The following FBXW7 variants were observed in gnomAD, a reference collection of about 807,000 sequenced individuals.
FBXW7 encodes the protein F-box/WD repeat-containing protein 7.
A neutral mutation model predicts 86.3 loss-of-function variants in FBXW7; 11 were observed. The ratio of observed to expected loss-of-function variants is 0.13; its 90% CI spans 0.08 to 0.21. The LOEUF (loss-of-function observed/expected upper bound fraction) is 0.21. Among genes scored for constraint, FBXW7 ranks in the 10% least tolerant of loss-of-function variants. The pLI is 1.00. For synonymous variants in FBXW7, 313 were observed against 297.9 expected (o/e 1.05, Z -0.52); for missense variants, 488 against 847.4 (o/e 0.58, Z 5.27).
chr4:152,325,438 G>C (rs1211900784), intron 12 of FBXW7: 1 of 152,094 alleles, frequency 6.6e-6, no homozygotes, highest in African/African-American at 2.4e-5. Flanking sequence ...TCTAGTTAAT[G>C]ATCTCAAAAT....
rs74388151 is a variant in FBXW7, at chr4:152,365,831, A to G, written c.502-15707T>C. On this transcript the variant is annotated intron_variant, in intron 4 of 13. Transcript: ENST00000281708. ...TGATTTCCCAGTGCTTGAAGCCAAC[A>G]CCTTGTTACAGTGTGAGCACATTAA... is the stretch of plus-strand genomic sequence containing the variant. Among the ~76,000 whole-genome samples, 9 of 152,240 alleles carry G rather than the reference A, an allele frequency of 5.9e-5. No homozygotes were observed. The East Asian group carries it at 1.7e-3, about 29-fold the overall frequency.
intron 2 of FBXW7, among the ~76,000 whole-genome samples, chr4:152,511,919 A>C (rs1748016046): frequency 6.6e-6 from 1 of 152,166 alleles, no homozygotes; most frequent in African/African-American, 2.4e-5. Flanking sequence ...GCATGTAAAA[A>C]GGAGAAAAAG....
chr4:152,422,890 CTTCTA>C (rs1459460104), intron 2 of FBXW7, among the ~76,000 whole-genome samples: 3 of 152,204 alleles, frequency 2.0e-5, no homozygotes, highest in African/African-American at 7.2e-5. Context: ...AGAGTTGCTA[CTTCTA>C]TTCAGTCTCT....
chr4:152,329,583 A>G, intron 10 of FBXW7, 89 bp downstream of exon 10: 1 of 611,406 alleles, frequency 1.6e-6, no homozygotes. Context: ...AGAATCAAAA[A>G]TGAATTATTG....
intron 2 of FBXW7, among the ~76,000 whole-genome samples, chr4:152,415,392 G>C (rs1458736643): frequency 6.6e-6 from 1 of 152,076 alleles, no homozygotes; most frequent in Non-Finnish European, 1.5e-5. Context: ...TTAGGACAAA[G>C]ATAACAAGAA....
At chr4:152,533,167 G>GTGA (rs1315470383) in intron 2 of FBXW7, among the ~76,000 whole-genome samples, 1 of 151,220 alleles carries the variant, frequency 6.6e-6, no homozygotes, top group Non-Finnish European at 1.5e-5. Context: ...TCCAGCCTGG[G>GTGA]TGACAGAGCA....
At chr4:152,533,747 C>T (rs560917985) in intron 2 of FBXW7, among the ~76,000 whole-genome samples, 5 of 152,218 alleles carry the variant, frequency 3.3e-5, no homozygotes, top group Non-Finnish European at 7.4e-5. Context: ...TGAACTGTCA[C>T]ATAATACACA....
intron 4 of FBXW7, among the ~76,000 whole-genome samples, chr4:152,397,695 C>CAAAAAAAA (rs397995836): frequency 7.3e-4 from 44 of 60,370 alleles, no homozygotes; most frequent in African/African-American, 2.3e-3. Context: ...CCTAAGAAGC[C>CAAAAAAAA]AAAAAAAAAA....
chr4:152,432,570 G>A (rs184337081), intron 2 of FBXW7, among the ~76,000 whole-genome samples: 21 of 152,238 alleles, frequency 1.4e-4, no homozygotes, highest in Admixed American at 2.0e-4. Context: ...ACTTTGGGGG[G>A]CCAAGGCAGG....
chr4:152,407,894 A>G (rs889137116), intron 4 of FBXW7, among the ~76,000 whole-genome samples: 1 of 152,138 alleles, frequency 6.6e-6, no homozygotes, highest in Non-Finnish European at 1.5e-5. Context: ...TTGTAGAGAC[A>G]GGGTTTTGCC....
Position 152,324,405 on chromosome 4 carries a change from C to T in FBXW7, c.1645-11G>A, listed in dbSNP as rs757851336. ...ATGGATACCATCAAACTACAAAAGA[C>T]ACAGTTTATTAGAATAGAAGTATGG... On this transcript the variant is annotated splice_polypyrimidine_tract_variant and intron_variant, in intron 12 of 13. Transcript: ENST00000281708. The T allele has an allele frequency of 1.9e-6, 3 of 1,564,140 alleles. No homozygotes were observed. In the South Asian group the frequency reaches 3.5e-5, roughly 18 times the overall value.
rs71596295 is a variant in FBXW7, at chr4:152,527,901, C to CACACACACAT, written c.-120+7039_-120+7040insATGTGTGTGT. On this transcript the variant is annotated intron_variant, in intron 2 of 13. Coordinates refer to ENST00000281708, the MANE Select transcript of FBXW7 (RefSeq NM_001349798.2). ...ACACACACACACACACACACACACA[C>CACACACACAT]ATATATATACACACACACATACATT... is the stretch of plus-strand genomic sequence containing the variant. Among the ~76,000 whole-genome samples, 215 of 149,274 alleles carry CACACACACAT rather than the reference C, an allele frequency of 1.4e-3. 1 individual carries two copies. The highest frequency in any genetic ancestry group is 4.8e-3 in the African/African-American group (194 of 40,550).
In FBXW7 at chr4:152,373,720, C is replaced by T. The variant is rs181002872; in HGVS notation, c.502-23596G>A. On this transcript the variant is annotated intron_variant, in intron 4 of 13. Coordinates refer to ENST00000281708, the MANE Select transcript of FBXW7 (RefSeq NM_001349798.2). ...ATTGAGCTCTGAGTGCCTCCTCATACTCTGACAGTACTTTGTACGTAGGTC... is the reference window on the plus strand; with the variant it reads ...ATTGAGCTCTGAGTGCCTCCTCATATTCTGACAGTACTTTGTACGTAGGTC... Among the ~76,000 whole-genome samples the T allele has an allele frequency of 3.3e-5, 5 of 152,112 alleles. No individual in the cohort carries two copies. The East Asian group carries it at 9.7e-4, about 29-fold the overall frequency.
rs767232766 is a variant in FBXW7, at chr4:152,330,871, A to G, written c.986-3T>C. 5.0e-6 allele frequency: 8 copies of G among 1,610,490 alleles called. No individual in the cohort carries two copies. In the East Asian group the frequency reaches 6.7e-5, roughly 13 times the overall value. ...GATGTGCAATGGTTCATCAATCCCT[A>G]AAGTGTTACAGTTCAAGAGTAAATT... is the stretch of plus-strand genomic sequence containing the variant. On this transcript the variant is annotated splice_region_variant and splice_polypyrimidine_tract_variant and intron_variant, in intron 8 of 13. Coordinates refer to ENST00000281708, the MANE Select transcript of FBXW7 (RefSeq NM_001349798.2).
intron 4 of FBXW7, among the ~76,000 whole-genome samples, chr4:152,375,404 G>A (rs1205344186): frequency 6.6e-6 from 1 of 151,924 alleles, no homozygotes; most frequent in African/African-American, 2.4e-5. Context: ...ATACATGTGG[G>A]TCATCTATTT....
intron 4 of FBXW7, among the ~76,000 whole-genome samples, chr4:152,410,121 C>T (rs538670956): frequency 4.6e-5 from 7 of 152,260 alleles, no homozygotes; most frequent in African/African-American, 1.7e-4. Flanking sequence ...AGCAATAACT[C>T]TGCATTGTTC....
chr4:152,368,124 AC>A (rs1440150483), intron 4 of FBXW7, among the ~76,000 whole-genome samples: 1 of 152,100 alleles, frequency 6.6e-6, no homozygotes, highest in African/African-American at 2.4e-5. Flanking sequence ...CTGTTCAAAC[AC>A]ATGCCCCATC....
intron 2 of FBXW7, among the ~76,000 whole-genome samples, chr4:152,462,069 T>C (rs750079290): frequency 6.6e-6 from 1 of 152,184 alleles, no homozygotes; most frequent in Non-Finnish European, 1.5e-5. Flanking sequence ...TGATTTTGCT[T>C]AGTTCTTTCA....
At chr4:152,442,420 A>G (rs1202605800) in intron 2 of FBXW7, among the ~76,000 whole-genome samples, 1 of 152,226 alleles carries the variant, frequency 6.6e-6, no homozygotes, top group Non-Finnish European at 1.5e-5. Flanking sequence ...CCCAAACATT[A>G]TTAGTTTAAA....
Sources: allele counts gnomAD v4.1 joint callset (sites outside exome capture counted in the v4.1 genomes callset), GRCh38; gene constraint gnomAD v4.1.1; transcripts MANE v1.5; gene names NCBI Gene and HGNC (gene_info 2026-07-23, HGNC 2026-07-21).